The following GABBR2 variants were observed in gnomAD, a reference collection of about 807,000 sequenced individuals.
The protein encoded by GABBR2 is gamma-aminobutyric acid type B receptor subunit 2.
A neutral mutation model predicts 105.6 loss-of-function variants in GABBR2; 23 were observed. The observed-to-expected ratio is 0.22, with a 90% CI of 0.16 to 0.31. The LOEUF (loss-of-function observed/expected upper bound fraction) is 0.31, where lower values mean the gene tolerates loss of function less well. GABBR2 is among the 10% of genes least tolerant of loss of function. The pLI is 1.00. For missense variants in GABBR2, 734 were observed against 1,245.5 expected, an observed-to-expected ratio of 0.59 and a Z score of 6.18; for synonymous variants, 478 against 499.7, an observed-to-expected ratio of 0.96 and a Z score of 0.58.
intron 3 of GABBR2, among the ~76,000 whole-genome samples, chr9:98,501,688 A>G (rs1237223357): frequency 6.6e-6 from 1 of 152,180 alleles, no homozygotes; most frequent in Non-Finnish European, 1.5e-5. Context: ...GGGCTGATGG[A>G]GAGTGTAAAG....
intron 16 of GABBR2, among the ~76,000 whole-genome samples, chr9:98,300,727 T>G (rs569796035): frequency 1.3e-5 from 2 of 152,284 alleles, no homozygotes; most frequent in African/African-American, 2.4e-5. Context: ...CTGTCCTTTC[T>G]CACCTGCTCA....
intron 4 of GABBR2, among the ~76,000 whole-genome samples, chr9:98,491,360 T>C (rs1421086320): frequency 1.3e-5 from 2 of 152,222 alleles, no homozygotes; most frequent in Non-Finnish European, 2.9e-5. Flanking sequence ...TAGCTAGAGT[T>C]CGTTTTTTGA....
chr9:98,658,431 G>T (rs1830211799), intron 1 of GABBR2, among the ~76,000 whole-genome samples: 1 of 152,158 alleles, frequency 6.6e-6, no homozygotes, highest in South Asian at 2.1e-4. Context: ...ATGAATGTAT[G>T]CTGGTGTGAC....
intron 6 of GABBR2, among the ~76,000 whole-genome samples, chr9:98,467,431 A>T (rs1826582244): frequency 6.6e-6 from 1 of 152,230 alleles, no homozygotes. Flanking sequence ...GGGGAGTAGC[A>T]AGGAATGGGA....
chr9:98,692,435 G>A (rs1429166240), intron 1 of GABBR2, among the ~76,000 whole-genome samples: 1 of 152,198 alleles, frequency 6.6e-6, no homozygotes, highest in Non-Finnish European at 1.5e-5. Context: ...AATAGAAAGT[G>A]CATTCTCGTC....
chr9:98,539,634 T>C (rs1201564567), intron 3 of GABBR2, among the ~76,000 whole-genome samples: 1 of 151,866 alleles, frequency 6.6e-6, no homozygotes, highest in Non-Finnish European at 1.5e-5. Context: ...AAAAAGCAGG[T>C]CTGGCCGGGC....
At chr9:98,478,618 C>T (rs549524205) in intron 5 of GABBR2, among the ~76,000 whole-genome samples, 4 of 152,320 alleles carry the variant, frequency 2.6e-5, no homozygotes, top group Admixed American at 2.0e-4. Flanking sequence ...GGAAGGCAGA[C>T]AAGCCAGGGG....
At chr9:98,400,058 G>A (rs1434684015) in intron 8 of GABBR2, among the ~76,000 whole-genome samples, 4 of 150,374 alleles carry the variant, frequency 2.7e-5, no homozygotes, top group South Asian at 2.1e-4. Flanking sequence ...GGTGGTGCAC[G>A]CCTGTAGTTC....
chr9:98,460,668 AAAGTAT>A (rs1459989931), intron 6 of GABBR2, among the ~76,000 whole-genome samples: 2 of 152,166 alleles, frequency 1.3e-5, no homozygotes, highest in Non-Finnish European at 2.9e-5. Flanking sequence ...ATATGTTGAA[AAAGTAT>A]AATATATGTA....
chr9:98,587,103 T>C (rs1250121675), intron 1 of GABBR2, among the ~76,000 whole-genome samples: 1 of 152,232 alleles, frequency 6.6e-6, no homozygotes, highest in Non-Finnish European at 1.5e-5. Context: ...GCCAGTCTTG[T>C]GGGTATTTGA....
At chr9:98,706,407 G>A (rs1830895521) in intron 1 of GABBR2, among the ~76,000 whole-genome samples, 1 of 152,164 alleles carries the variant, frequency 6.6e-6, no homozygotes, top group Non-Finnish European at 1.5e-5. Context: ...CCTTCAAAAG[G>A]CTAGAGACAC....
At chr9:98,498,933 T>A (rs1268442472) in intron 3 of GABBR2, among the ~76,000 whole-genome samples, 3 of 152,236 alleles carry the variant, frequency 2.0e-5, no homozygotes, top group Non-Finnish European at 4.4e-5. Flanking sequence ...AGGAGCTCAA[T>A]GCGTGAGCTC....
At chr9:98,461,089 G>A (rs1305593740) in intron 6 of GABBR2, among the ~76,000 whole-genome samples, 1 of 152,112 alleles carries the variant, frequency 6.6e-6, no homozygotes, top group Non-Finnish European at 1.5e-5. Flanking sequence ...CAGACAGCCA[G>A]ACACTTGGAA....
At chr9:98,320,269 G>C (rs6478668) in intron 13 of GABBR2, among the ~76,000 whole-genome samples, 28 of 150,962 alleles carry the variant, frequency 1.9e-4, no homozygotes, top group African/African-American at 4.9e-4. Context: ...AAATCAAAAC[G>C]ACAATGAGAT....
At chr9:98,338,129 G>A (rs183800866) in intron 13 of GABBR2, among the ~76,000 whole-genome samples, 8 of 152,202 alleles carry the variant, frequency 5.3e-5, no homozygotes, top group Non-Finnish European at 8.8e-5. Flanking sequence ...ACTCAGAATG[G>A]ATCAAATACC....
At chr9:98,469,076 C>T (rs932035253) in intron 6 of GABBR2, among the ~76,000 whole-genome samples, 2 of 152,142 alleles carry the variant, frequency 1.3e-5, no homozygotes, top group Admixed American at 6.5e-5. Context: ...GTTCTGGAGG[C>T]CAGAAGGCTG....
At chr9:98,481,213 C>G (rs1194274876) in intron 4 of GABBR2, among the ~76,000 whole-genome samples, 1 of 152,214 alleles carries the variant, frequency 6.6e-6, no homozygotes, top group African/African-American at 2.4e-5. Context: ...TGCAGTCAGT[C>G]CACCCTGGTC....
intron 1 of GABBR2, among the ~76,000 whole-genome samples, chr9:98,654,169 G>A (rs141470027): frequency 3.9e-5 from 6 of 152,252 alleles, no homozygotes; most frequent in Admixed American, 2.0e-4. Context: ...TGCACTGGTC[G>A]GGTACTTGTG....
At chr9:98,399,689 A>G (rs1418951064) in intron 8 of GABBR2, among the ~76,000 whole-genome samples, 1 of 151,878 alleles carries the variant, frequency 6.6e-6, no homozygotes, top group Non-Finnish European at 1.5e-5. Flanking sequence ...CCTTAGGACA[A>G]AAACCAAAAG....
Sources: allele counts gnomAD v4.1 joint callset (sites outside exome capture counted in the v4.1 genomes callset), GRCh38; gene constraint gnomAD v4.1.1; transcripts MANE v1.5; gene names NCBI Gene and HGNC (gene_info 2026-07-23, HGNC 2026-07-21).